The following PRDM16 variants were observed in gnomAD, a reference collection of about 807,000 sequenced individuals.
PRDM16 encodes histone-lysine N-methyltransferase PRDM16.
A neutral mutation model predicts 110.6 loss-of-function variants in PRDM16; 23 were observed. The observed-to-expected ratio is 0.21, with a 90% CI of 0.15 to 0.29. The LOEUF (loss-of-function observed/expected upper bound fraction) is 0.29. Ranked by LOEUF, PRDM16 falls within the 10% of genes least tolerant of loss-of-function variation. The probability of loss-of-function intolerance (pLI) is 1.00; values close to 1 mark genes in which losing one functional copy is unlikely to be tolerated. For missense variants in PRDM16, 1,615 were observed against 1,794.3 expected (o/e 0.90, Z 1.81); for synonymous variants, 799 against 781.8 (o/e 1.02, Z -0.37).
chr1:3,234,076 G>C (rs556179468), intron 2 of PRDM16, among the ~76,000 whole-genome samples: 1 of 152,110 alleles, frequency 6.6e-6, no homozygotes, highest in African/African-American at 2.4e-5. Context: ...GACTTTCGGG[G>C]TTTGCGATTG....
rs1355545126 is a variant in PRDM16 at position 3,069,539 on chromosome 1, C to T, written c.37+243C>T. On this transcript the variant is annotated intron_variant, in intron 1 of 16. Transcript: ENST00000270722. This position sits in a 1 kb window ranked among gnomAD's most constrained non-coding sequence, Gnocchi z 6.1. The stretch of plus-strand genomic sequence containing the variant: ...AGGCGCCGGCCCCCTCCCCGCGGAA[C>T]CCCCTCCCCCCCCACCAGTGTCAGG... 1.3e-5 allele frequency among the ~76,000 whole-genome samples: 2 copies of T among 148,302 alleles called. No homozygotes were observed. The highest frequency in any genetic ancestry group is 4.1e-4 in the East Asian group (2 of 4,866).
intron 3 of PRDM16, among the ~76,000 whole-genome samples, chr1:3,326,198 A>G (rs1310181487): frequency 1.3e-5 from 2 of 150,980 alleles, no homozygotes; most frequent in African/African-American, 2.4e-5. Context: ...ATCCTCGACC[A>G]TCCTTGGCCC....
At chr1:3,194,772 A>G (rs780008025) in intron 2 of PRDM16, among the ~76,000 whole-genome samples, 2 of 152,064 alleles carry the variant, frequency 1.3e-5, no homozygotes, top group Non-Finnish European at 2.9e-5. Flanking sequence ...TGGTATTCTC[A>G]GTCCCACGTT....
intron 2 of PRDM16, among the ~76,000 whole-genome samples, chr1:3,189,181 G>A (rs1157688996): frequency 1.3e-5 from 2 of 152,200 alleles, no homozygotes; most frequent in African/African-American, 4.8e-5. Context: ...TTCAGGGCTG[G>A]GATCCCTCTG....
At chr1:3,387,018 T>C (rs1270398326) in intron 4 of PRDM16, 1 of 152,242 alleles carries the variant, frequency 6.6e-6, no homozygotes, top group Non-Finnish European at 1.5e-5. Context: ...TTCATTGTAT[T>C]ATTAATATTT....
chr1:3,087,846 A>G (rs1056573915), intron 1 of PRDM16, among the ~76,000 whole-genome samples: 12 of 151,514 alleles, frequency 7.9e-5, no homozygotes, highest in South Asian at 2.1e-4. Context: ...TGACAAATCA[A>G]TTTTCCAGGG....
chr1:3,301,220 ACT>A (rs1333187143), intron 3 of PRDM16, among the ~76,000 whole-genome samples: 1 of 151,860 alleles, frequency 6.6e-6, no homozygotes, highest in Non-Finnish European at 1.5e-5. Context: ...AGTCCTAGCT[ACT>A]CAGGAGGCTG....
At chr1:3,426,730 C>A (rs1638618616) in intron 14 of PRDM16, among the ~76,000 whole-genome samples, 1 of 152,154 alleles carries the variant, frequency 6.6e-6, no homozygotes, top group South Asian at 2.1e-4. Context: ...CGTTTGTATA[C>A]ATGTGTATAC....
intron 1 of PRDM16, among the ~76,000 whole-genome samples, chr1:3,179,303 A>G (rs754391987): frequency 1.3e-5 from 2 of 152,246 alleles, no homozygotes; most frequent in African/African-American, 4.8e-5. Context: ...CAGGGCATGG[A>G]CAGGCTGGGT....
At chr1:3,212,778 C>T (rs1312800503) in intron 2 of PRDM16, among the ~76,000 whole-genome samples, 2 of 152,216 alleles carry the variant, frequency 1.3e-5, no homozygotes, top group African/African-American at 4.8e-5. Flanking sequence ...GCATTTCCGC[C>T]GCTACCTCGG....
chr1:3,096,883 T>C (rs1285604264), intron 1 of PRDM16, among the ~76,000 whole-genome samples: 1 of 152,174 alleles, frequency 6.6e-6, no homozygotes, highest in African/African-American at 2.4e-5. Context: ...CTCCGTGGTT[T>C]CTAGGAAGAA....
In PRDM16 at chr1:3,353,829, G is replaced by A. The variant is rs566355855; in HGVS notation, c.439-31323G>A. On this transcript the variant is annotated intron_variant, in intron 3 of 16. Transcript: ENST00000270722. This position sits in a 1 kb window ranked among gnomAD's most constrained non-coding sequence, Gnocchi z 5.4. The stretch of plus-strand genomic sequence containing the variant: ...TACCCTGGGGACCCCTGCTCCCAGC[G>A]GAGCCAGTAGTGATGACAGGCGCAG... Among the ~76,000 whole-genome samples the A allele has an allele frequency of 9.9e-5, 15 of 152,218 alleles. No individual in the cohort carries two copies. Among genetic ancestry groups the A allele is most frequent in the African/African-American group, 1.4e-4 (6 of 41,568 alleles).
At chr1:3,337,329 C>A (rs1322880340) in intron 3 of PRDM16, among the ~76,000 whole-genome samples, 1 of 152,224 alleles carries the variant, frequency 6.6e-6, no homozygotes, top group African/African-American at 2.4e-5. Flanking sequence ...TGAGAGCTGG[C>A]ACATTCTTCT....
intron 3 of PRDM16, among the ~76,000 whole-genome samples, chr1:3,295,645 G>T (rs191034517): frequency 1.3e-5 from 2 of 152,252 alleles, no homozygotes; most frequent in South Asian, 4.1e-4. Flanking sequence ...AGACTTGACC[G>T]CCAGGCTCTG....
At chr1:3,241,068 A>G (rs1639660982) in intron 2 of PRDM16, among the ~76,000 whole-genome samples, 1 of 152,172 alleles carries the variant, frequency 6.6e-6, no homozygotes, top group South Asian at 2.1e-4. Context: ...GGCTCAGGCG[A>G]GGCTGGGGGA....
chr1:3,401,646 CAT>C (rs773637165), intron 5 of PRDM16, among the ~76,000 whole-genome samples: 12 of 152,218 alleles, frequency 7.9e-5, no homozygotes, highest in East Asian at 1.9e-4. Context: ...TTCACATGCA[CAT>C]GTGTGCACAT....
At chr1:3,250,008 G>A (rs1039127223) in intron 3 of PRDM16, among the ~76,000 whole-genome samples, 7 of 152,264 alleles carry the variant, frequency 4.6e-5, no homozygotes, top group East Asian at 1.9e-4. Flanking sequence ...GGAAAGCACC[G>A]CCCACACCAT....
At chr1:3,113,825 CCT>C (rs1368916977) in intron 1 of PRDM16, among the ~76,000 whole-genome samples, 2 of 152,230 alleles carry the variant, frequency 1.3e-5, no homozygotes, top group Admixed American at 6.5e-5. Flanking sequence ...CGAAGGTGCC[CCT>C]GTGTCTGCCT....
chr1:3,342,105 A>G (rs1275073812), intron 3 of PRDM16, among the ~76,000 whole-genome samples: 1 of 152,180 alleles, frequency 6.6e-6, no homozygotes, highest in Non-Finnish European at 1.5e-5. Flanking sequence ...CCCAGGGTGC[A>G]CGATGGCCTC....
Sources: allele counts gnomAD v4.1 joint callset (sites outside exome capture counted in the v4.1 genomes callset), GRCh38; gene constraint gnomAD v4.1.1; non-coding constraint Gnocchi (gnomAD v3.1); transcripts MANE v1.5; gene names NCBI Gene and HGNC (gene_info 2026-07-23, HGNC 2026-07-21).